RPGRIP1L: variants seen among roughly 807,000 people sequenced by gnomAD.
RPGRIP1L encodes RPGRIP1 like.
Under a neutral mutation model 160.4 loss-of-function variants are expected in RPGRIP1L, and 131 were observed. The ratio of observed to expected loss-of-function variants is 0.82; its 90% CI spans 0.71 to 0.94. RPGRIP1L has a LOEUF of 0.94. Among genes scored for constraint, RPGRIP1L ranks in the 40% least tolerant of loss-of-function variants. The pLI is 0.00. For synonymous variants in RPGRIP1L, 510 were observed against 515.8 expected, an observed-to-expected ratio of 0.99 and a Z score of 0.15; for missense variants, 1,522 against 1,535.8, an observed-to-expected ratio of 0.99 and a Z score of 0.15.
Position 53,692,105 on chromosome 16 carries a change from C to A in RPGRIP1L, c.490G>T (p.Ala164Ser), listed in dbSNP as rs1327679496. Residue 164 changes from alanine to serine, a missense_variant, in exon 4 of 27, where the codon GCA becomes TCA. By Grantham distance (99) the Ala-to-Ser change is moderately conservative (BLOSUM62 1). Transcript: ENST00000647211. ...QSRINTGRRKANENAGLQECP... is the reference protein window; with the variant it reads ...QSRINTGRRKSNENAGLQECP... ...TCCTGTAAACCAGCATTTTCATTTG[C>A]TTTTCTACGCCCAGTGTTAATACGA... 3 of 1,613,912 alleles carry A rather than the reference C, an allele frequency of 1.9e-6. No homozygotes were observed. The highest frequency in any genetic ancestry group is 2.5e-6 in the Non-Finnish European group (3 of 1,179,982).
Position 53,673,026 on chromosome 16 carries a change from A to T in RPGRIP1L, c.883-10T>A, listed in dbSNP as rs1244236365. 6.2e-7 allele frequency: 1 copy of T among 1,609,352 alleles called. No individual in the cohort carries two copies. The highest frequency in any genetic ancestry group is 8.5e-7 in the Non-Finnish European group (1 of 1,177,094). On this transcript the variant is annotated splice_polypyrimidine_tract_variant and intron_variant, in intron 7 of 26. Transcript: ENST00000647211. ...TGAGAGTTCTTTGCTTCTAAAAGAT[A>T]AAAAGAACATCTTTCAAACATTATT...
In RPGRIP1L at chr16:53,602,176, C is replaced by A; in HGVS notation, c.3848G>T (p.Arg1283Leu). The change falls in exon 27 of 27, where the codon CGA (arginine) becomes CTA (leucine). Residue 1283 changes from arginine (R) to leucine (L), a missense_variant. Arg to Leu is a moderately radical substitution (Grantham distance 102). Coordinates refer to ENST00000647211, the MANE Select transcript of RPGRIP1L (RefSeq NM_015272.5). ...IEQNIDVFDA[R>L]ADGEGIGKLR... ...CTTGCCAATACCTTCACCATCTGCT[C>A]GTGCATCAAAAACTAGGGAGAAAAG... The A allele has an allele frequency of 6.2e-7, 1 of 1,612,392 alleles. No homozygotes were observed. The highest frequency in any genetic ancestry group is 1.1e-5 in the South Asian group (1 of 90,994).
intron 5 of RPGRIP1L, among the ~76,000 whole-genome samples, chr16:53,687,111 T>C (rs902976542): frequency 1.3e-5 from 2 of 152,130 alleles, no homozygotes; most frequent in Non-Finnish European, 2.9e-5. Flanking sequence ...GTCTAGTCTT[T>C]TATTTTCCTG....
chr16:53,674,895 A>C (rs139947465), intron 7 of RPGRIP1L, 122 bp downstream of exon 7: 1 of 677,230 alleles, frequency 1.5e-6, no homozygotes, highest in African/African-American at 1.8e-5. Flanking sequence ...GAATACAAAG[A>C]ACAATCCTTC....
rs1971342752 is a variant in RPGRIP1L, at chr16:53,700,849, C to CA, written c.-7-120dup. ...ACTTTAATGGGCATCTTATTGTCCA[C>CA]ATGTGCTGCTTGGAGAAGATGAAAG... On this transcript the variant is annotated intron_variant, in intron 1 of 26. Transcript: ENST00000647211. 4.0e-6 allele frequency: 3 copies of CA among 749,990 alleles called. No homozygotes were observed. The South Asian group carries it at 4.4e-5, about 11-fold the overall frequency. The allele number at this position is 749,990 out of a possible 1,614,324, so 46.5% of individuals were successfully genotyped here. A position where few individuals can be genotyped will look rare whatever the true frequency, so the allele number is the denominator to read the frequency against.
intron 5 of RPGRIP1L, among the ~76,000 whole-genome samples, chr16:53,687,590 T>C (rs926458575): frequency 6.6e-6 from 1 of 152,146 alleles, no homozygotes; most frequent in Non-Finnish European, 1.5e-5. Context: ...TCTTACACTA[T>C]TCTAACTGAC....
chr16:53,698,679 C>T (rs1179859538), intron 2 of RPGRIP1L, among the ~76,000 whole-genome samples: 23 of 140,210 alleles, frequency 1.6e-4, no homozygotes, highest in African/African-American at 5.4e-4. Flanking sequence ...GGGGGGTCAG[C>T]CCCCCGCCCG....
chr16:53,612,166 AG>A (rs1475129726), intron 24 of RPGRIP1L, among the ~76,000 whole-genome samples: 2 of 152,168 alleles, frequency 1.3e-5, no homozygotes, highest in Non-Finnish European at 2.9e-5. Flanking sequence ...AGAGACATAA[AG>A]GTACCGGTAT....
intron 2 of RPGRIP1L, among the ~76,000 whole-genome samples, chr16:53,697,434 G>C (rs1598423710): frequency 1.3e-5 from 2 of 152,002 alleles, no homozygotes; most frequent in Non-Finnish European, 2.9e-5. Context: ...CTGTGCTGCT[G>C]CCATCTCGGC....
At chr16:53,631,867 A>C (rs1965541754) in intron 22 of RPGRIP1L, among the ~76,000 whole-genome samples, 1 of 152,218 alleles carries the variant, frequency 6.6e-6, no homozygotes, top group Non-Finnish European at 1.5e-5. Flanking sequence ...GAAACGAAGA[A>C]AGATAGGGGC....
intron 15 of RPGRIP1L, among the ~76,000 whole-genome samples, chr16:53,651,503 C>G (rs544184242): frequency 5.9e-5 from 9 of 152,294 alleles, no homozygotes; most frequent in African/African-American, 2.2e-4. Context: ...TCTGGCCCCG[C>G]CTATCACTTG....
At chr16:53,636,600 A>C (rs1965850818) in intron 21 of RPGRIP1L, 88 bp from the exon 22 acceptor site, 4 of 889,612 alleles carry the variant, frequency 4.5e-6, no homozygotes, top group Non-Finnish European at 5.6e-6. Flanking sequence ...AGCACACACC[A>C]TAAGATAACC....
intron 3 of RPGRIP1L, chr16:53,694,700 T>C: frequency 6.6e-6 from 1 of 152,058 alleles, no homozygotes; most frequent in Non-Finnish European, 1.5e-5. Context: ...TTAGTAGAAA[T>C]GGGGTTTCAT....
At chr16:53,622,768 C>T (rs769476182) in intron 22 of RPGRIP1L, among the ~76,000 whole-genome samples, 32 of 149,996 alleles carry the variant, frequency 2.1e-4, no homozygotes, top group Admixed American at 4.0e-4. Context: ...GGTGAAAACA[C>T]GTCTCTCCAA....
At chr16:53,678,577 C>A (rs966248707) in intron 6 of RPGRIP1L, among the ~76,000 whole-genome samples, 2 of 150,928 alleles carry the variant, frequency 1.3e-5, no homozygotes, top group African/African-American at 4.9e-5. Context: ...GCCAACATTT[C>A]ATTCCTTGCT....
At chr16:53,696,338 T>G (rs771384191) in intron 2 of RPGRIP1L, 43 bp from the exon 3 acceptor site, 2 of 1,601,452 alleles carry the variant, frequency 1.2e-6, no homozygotes, top group African/African-American at 2.7e-5. Context: ...TTACTTAAAA[T>G]AGTCTCTAGA....
intron 2 of RPGRIP1L, among the ~76,000 whole-genome samples, chr16:53,697,537 T>A (rs1326285517): frequency 1.3e-5 from 2 of 152,156 alleles, no homozygotes; most frequent in South Asian, 4.1e-4. Context: ...GGTTTTCGTA[T>A]TTTTTTGGTG....
intron 6 of RPGRIP1L, among the ~76,000 whole-genome samples, chr16:53,680,768 T>C (rs892392613): frequency 4.6e-5 from 7 of 151,460 alleles, no homozygotes; most frequent in African/African-American, 1.7e-4. Context: ...TGTATGCACC[T>C]AATGGGAGTA....
chr16:53,655,057 T>G (rs1299366320), intron 14 of RPGRIP1L, among the ~76,000 whole-genome samples: 1 of 152,222 alleles, frequency 6.6e-6, no homozygotes, highest in African/African-American at 2.4e-5. Flanking sequence ...ATCTGCCCTT[T>G]TCATTTTTAT....
Sources: gnomAD v4.1 joint callset for allele counts (sites outside exome capture counted in the v4.1 genomes callset) on GRCh38, gnomAD v4.1.1 for gene constraint, MANE v1.5 for transcripts, NCBI Gene and HGNC (gene_info 2026-07-23, HGNC 2026-07-21) for gene names.